STK35: variants seen among roughly 807,000 people sequenced by gnomAD.
STK35 encodes serine/threonine kinase 35.
In STK35, 17 loss-of-function variants were observed where a neutral mutation model predicts 37.3. That is an observed-to-expected ratio of 0.46 (90% confidence interval 0.31 to 0.68). The LOEUF is 0.68. STK35 is among the 30% of genes least tolerant of loss of function. The probability of loss-of-function intolerance (pLI) is 0.05; values close to 1 mark genes in which losing one functional copy is unlikely to be tolerated. For synonymous variants in STK35, 385 were observed against 319.1 expected (o/e 1.21, Z -2.20); for missense variants, 595 against 746.7 (o/e 0.80, Z 2.37).
rs569978749 is a variant in STK35, at chr20:2,116,886, G to A, written c.1113G>A (p.Arg371=). Reference sequence around the variant, plus strand: ...CAGACAACATCCTCATCACAGAGCGGTCTGGCACCCCCATCCTCAAAGTGG... The same window carrying A: ...CAGACAACATCCTCATCACAGAGCGATCTGGCACCCCCATCCTCAAAGTGG... The part of the protein sequence containing the change: ...LKPDNILITE[R]SGTPILKVAD... The change falls in exon 3 of 4, where the codon CGG becomes CGA. Residue 371 remains arginine (R), a synonymous_variant. Coordinates refer to ENST00000381482, the MANE Select transcript of STK35 (RefSeq NM_080836.4). 6.2e-7 allele frequency: 1 copy of A among 1,614,200 alleles called. No homozygotes were observed. The highest frequency in any genetic ancestry group is 2.2e-5 in the East Asian group (1 of 44,880).
chr20:2,133,138 G>C (rs748787859), intron 3 of STK35, among the ~76,000 whole-genome samples: 2 of 152,144 alleles, frequency 1.3e-5, no homozygotes, highest in Non-Finnish European at 2.9e-5. Flanking sequence ...GCTTTAACTG[G>C]TTGTTGTAAC....
At chr20:2,133,469 T>A (rs1182451922) in intron 3 of STK35, among the ~76,000 whole-genome samples, 1 of 152,276 alleles carries the variant, frequency 6.6e-6, no homozygotes, top group Non-Finnish European at 1.5e-5. Flanking sequence ...TTACCTGGGC[T>A]GTTTCTAGAG....
At chr20:2,119,703 T>C (rs987570134) in intron 3 of STK35, among the ~76,000 whole-genome samples, 7 of 152,206 alleles carry the variant, frequency 4.6e-5, no homozygotes, top group Admixed American at 3.9e-4. Flanking sequence ...TGCTCTTACG[T>C]TGTGCTGAAG....
Position 2,117,952 on chromosome 20 carries a change from G to A in STK35, c.*37+537G>A, listed in dbSNP as rs1299949708. 1.3e-5 allele frequency among the ~76,000 whole-genome samples: 2 copies of A among 152,294 alleles called. No homozygotes were observed. Among genetic ancestry groups the A allele is most frequent in the Middle Eastern group, 3.4e-3 (1 of 294 alleles). ...GAGAAGTCTTCTCAGAGGAGGTTGC[G>A]TTTAAGCCGAGTCTCCCTTTTTTTA... On this transcript the variant is annotated intron_variant, in intron 3 of 3. Transcript: ENST00000381482. This position sits in a 1 kb window ranked among gnomAD's most constrained non-coding sequence, Gnocchi z 4.4.
chr20:2,137,395 C>T (rs1368885816), intron 3 of STK35, among the ~76,000 whole-genome samples: 3 of 152,212 alleles, frequency 2.0e-5, no homozygotes, highest in Non-Finnish European at 4.4e-5. Context: ...TTGGGGCCTG[C>T]CCCTGGATAT....
chr20:2,102,725 C>T, intron 1 of STK35, 43 bp from the exon 2 acceptor site: 1 of 1,362,112 alleles, frequency 7.3e-7, no homozygotes, highest in Non-Finnish European at 9.5e-7. Context: ...CTCCTGGCCT[C>T]CCCGCCTTGG....
At chr20:2,133,081 C>T (rs1986027161) in intron 3 of STK35, among the ~76,000 whole-genome samples, 1 of 152,224 alleles carries the variant, frequency 6.6e-6, no homozygotes, top group African/African-American at 2.4e-5. Flanking sequence ...AAGAGATCTC[C>T]AAACCCCTTA....
In STK35 at chr20:2,102,983, C is replaced by G. The variant is rs539176694; in HGVS notation, c.510C>G (p.Ala170=). The G allele has an allele frequency of 1.1e-4, 158 of 1,417,126 alleles. No individual in the cohort carries two copies. In the South Asian group the frequency reaches 2.3e-3, roughly 20 times the overall value. The allele number at this position is 1,417,126 out of a possible 1,614,324, so 87.8% of individuals were successfully genotyped here. A position where few individuals can be genotyped will look rare whatever the true frequency, so the allele number is the denominator to read the frequency against. ...PSTKLRPAAA[A]RAMDPVAAEA... ...CGAAGCTGAGGCCGGCGGCGGCGGC[C>G]CGGGCCATGGATCCGGTGGCGGCCG... Residue 170 remains alanine (A), a synonymous_variant, in exon 2 of 4, where the codon GCC becomes GCG. Transcript: ENST00000381482.
At chr20:2,135,953 A>C (rs770121982) in intron 3 of STK35, among the ~76,000 whole-genome samples, 10 of 152,218 alleles carry the variant, frequency 6.6e-5, no homozygotes, top group Non-Finnish European at 8.8e-5. Flanking sequence ...AGCCAGGATC[A>C]TGCCTTTGCA....
rs760359739 is a variant in STK35 at position 2,147,508 on chromosome 20, C to CT, written c.*3766dup. The CT allele has an allele frequency of 4.6e-5, 7 of 152,276 alleles. No individual in the cohort carries two copies. The highest frequency in any genetic ancestry group is 8.8e-5 in the Non-Finnish European group (6 of 68,068). 9.4% of individuals were successfully genotyped at this position (152,276 alleles called of 1,614,324 possible). On this transcript the variant is annotated 3_prime_UTR_variant, in exon 4 of 4. Transcript: ENST00000381482. Reference sequence around the variant, plus strand: ...TGTCTGGGTTTTAGCCTTGGGGTATCTTTTGGAAACTTAGAAAAGCAGGAG... The same window carrying CT: ...TGTCTGGGTTTTAGCCTTGGGGTATCTTTTTGGAAACTTAGAAAAGCAGGAG...
chr20:2,118,191 T>C (rs1985753179), intron 3 of STK35, among the ~76,000 whole-genome samples: 1 of 152,224 alleles, frequency 6.6e-6, no homozygotes, highest in African/African-American at 2.4e-5. Context: ...TTTAGAAGTA[T>C]GGCTTTTCAG....
rs929345525 is a variant in STK35, at chr20:2,102,979, C to T, written c.506C>T (p.Ala169Val). ...APSTKLRPAA[A>V]ARAMDPVAAE... ...AGCACGAAGCTGAGGCCGGCGGCGG[C>T]GGCCCGGGCCATGGATCCGGTGGCG... The change falls in exon 2 of 4, where the codon GCG (alanine) becomes GTG (valine). Residue 169 changes from alanine to valine, a missense_variant. By Grantham distance (64) the Ala-to-Val change is moderately conservative. Coordinates refer to ENST00000381482, the MANE Select transcript of STK35 (RefSeq NM_080836.4). 3 of 1,415,022 alleles carry T rather than the reference C, an allele frequency of 2.1e-6. No individual in the cohort carries two copies. The highest frequency in any genetic ancestry group is 1.5e-5 in the African/African-American group (1 of 66,890). 87.7% of individuals were successfully genotyped at this position (1,415,022 alleles called of 1,614,324 possible). A position where few individuals can be genotyped will look rare whatever the true frequency, so the allele number is the denominator to read the frequency against.
In STK35 at chr20:2,128,340, A is replaced by G. The variant is rs146596916; in HGVS notation, c.*37+10925A>G. On this transcript the variant is annotated intron_variant, in intron 3 of 3. Transcript: ENST00000381482. ...AGGTGTGAGAATCGGGAGGGCCTGTAAGGTCCTGGCTTCTATAATTCCATA... is the reference window on the plus strand; with the variant it reads ...AGGTGTGAGAATCGGGAGGGCCTGTGAGGTCCTGGCTTCTATAATTCCATA... Among the ~76,000 whole-genome samples, 293 of 152,258 alleles carry G rather than the reference A, an allele frequency of 1.9e-3. 2 individuals carry two copies. Among genetic ancestry groups the G allele is most frequent in the Middle Eastern group, 6.8e-3 (2 of 294 alleles).
At position 2,103,369 on chromosome 20, in the gene STK35, G is replaced by A. The variant is rs1985446714; in HGVS notation, c.892+4G>A. 2 of 1,606,898 alleles carry A rather than the reference G, an allele frequency of 1.2e-6. No homozygotes were observed. Among genetic ancestry groups the A allele is most frequent in the Non-Finnish European group, 8.5e-7 (1 of 1,175,928 alleles). On this transcript the variant is annotated splice_donor_region_variant and intron_variant, in intron 2 of 3. Coordinates refer to ENST00000381482, the MANE Select transcript of STK35 (RefSeq NM_080836.4). ...CTGGTGGAGACCTCGCTGAAAGGTA[G>A]GAGCACCGCGGGCCTTTCCACCCAC...
rs1985745654 is a variant in STK35 at position 2,117,885 on chromosome 20, G to T, written c.*37+470G>T. Among the ~76,000 whole-genome samples, 2 of 152,198 alleles carry T rather than the reference G, an allele frequency of 1.3e-5. No homozygotes were observed. Among genetic ancestry groups the T allele is most frequent in the Non-Finnish European group, 2.9e-5 (2 of 68,044 alleles). ...TCAAAGATCCCCCCCATATCTTGAT[G>T]GGAGAAACGTGCAATTATCTGAGTA... On this transcript the variant is annotated intron_variant, in intron 3 of 3. Transcript: ENST00000381482. The surrounding 1 kb of genome is among the most constrained non-coding windows in gnomAD (Gnocchi z 4.4).
intron 3 of STK35, among the ~76,000 whole-genome samples, chr20:2,127,649 C>T (rs1168910178): frequency 6.6e-6 from 1 of 152,154 alleles, no homozygotes; most frequent in African/African-American, 2.4e-5. Flanking sequence ...CAGAGGTCCT[C>T]CTCCCTTTTC....
intron 2 of STK35, among the ~76,000 whole-genome samples, chr20:2,105,702 C>G (rs1031796424): frequency 8.5e-6 from 1 of 117,812 alleles, no homozygotes; most frequent in African/African-American, 3.0e-5. Flanking sequence ...GAGGAATTCA[C>G]TGCCTTATAT....
At chr20:2,142,312 T>C (rs61195895) in intron 3 of STK35, among the ~76,000 whole-genome samples, 9 of 151,624 alleles carry the variant, frequency 5.9e-5, no homozygotes, top group South Asian at 2.1e-4. Context: ...GACAGTAAAT[T>C]ATCCAATATT....
chr20:2,122,670 G>A lies in STK35; in HGVS notation c.*37+5255G>A, dbSNP rs1021596463. Reference sequence around the variant, plus strand: ...TGATCCTATATATCTTATTGAGGTTGTTGGGGGAATCACAAGAGGTTGTGA... The same window carrying A: ...TGATCCTATATATCTTATTGAGGTTATTGGGGGAATCACAAGAGGTTGTGA... On this transcript the variant is annotated intron_variant, in intron 3 of 3. Coordinates refer to ENST00000381482, the MANE Select transcript of STK35 (RefSeq NM_080836.4). Among the ~76,000 whole-genome samples, 2 of 152,168 alleles carry A rather than the reference G, an allele frequency of 1.3e-5. 1 individual carries two copies. The highest frequency in any genetic ancestry group is 2.9e-5 in the Non-Finnish European group (2 of 68,044).
Sources: gnomAD v4.1 joint callset for allele counts (sites outside exome capture counted in the v4.1 genomes callset) on GRCh38, gnomAD v4.1.1 for gene constraint, Gnocchi (gnomAD v3.1) non-coding constraint, MANE v1.5 for transcripts, NCBI Gene and HGNC (gene_info 2026-07-23, HGNC 2026-07-21) for gene names.